The following CPNE2 variants were observed in gnomAD, a reference collection of about 807,000 sequenced individuals.
CPNE2 encodes copine 2, also known as copine-2.
A neutral mutation model predicts 69.7 loss-of-function variants in CPNE2; 42 were observed. The observed-to-expected ratio is 0.60, with a 90% CI of 0.47 to 0.78. The LOEUF is 0.78. Ranked by LOEUF, CPNE2 falls within the 30% of genes least tolerant of loss-of-function variation. CPNE2 has a pLI of 0.00. For synonymous variants in CPNE2, 294 were observed against 289.8 expected, an observed-to-expected ratio of 1.01 and a Z score of -0.15; for missense variants, 587 against 732.0, an observed-to-expected ratio of 0.80 and a Z score of 2.29.
intron 5 of CPNE2, among the ~76,000 whole-genome samples, 153 bp downstream of exon 5, chr16:57,117,720 A>C (rs1185312860): frequency 1.3e-5 from 2 of 151,486 alleles, no homozygotes; most frequent in East Asian, 3.9e-4. Flanking sequence ...CCAGATTAGG[A>C]CTCCTTCACC....
At chr16:57,114,739 T>C (rs1478513438) in intron 3 of CPNE2, among the ~76,000 whole-genome samples, 5 of 152,006 alleles carry the variant, frequency 3.3e-5, no homozygotes, top group African/African-American at 1.2e-4. Context: ...GGCCCACTTT[T>C]CCTCTCTATG....
chr16:57,108,289 A>G (rs1157269068), intron 1 of CPNE2, among the ~76,000 whole-genome samples: 4 of 152,188 alleles, frequency 2.6e-5, no homozygotes, highest in African/African-American at 4.8e-5. Context: ...GGAAAATTAT[A>G]TTACTATACT....
intron 5 of CPNE2, 21 bp from the exon 6 acceptor site, chr16:57,119,174 G>T (rs368319522): frequency 2.5e-6 from 4 of 1,607,778 alleles, no homozygotes; most frequent in Admixed American, 3.3e-5. Flanking sequence ...TCTCTCACCC[G>T]CATCCTCCCA....
intron 7 of CPNE2, among the ~76,000 whole-genome samples, chr16:57,120,221 A>C (rs1272274893): frequency 6.6e-6 from 1 of 151,628 alleles, no homozygotes; most frequent in Non-Finnish European, 1.5e-5. Flanking sequence ...TGCAGAGCCC[A>C]GATTGAGCCA....
chr16:57,145,816 C>T (rs2069953105), intron 14 of CPNE2: 6 of 495,716 alleles, frequency 1.2e-5, no homozygotes, highest in Non-Finnish European at 2.2e-5. Flanking sequence ...TCAGAGGCCC[C>T]AAGGGGGAGT....
intron 1 of CPNE2, among the ~76,000 whole-genome samples, chr16:57,103,680 T>C (rs1226196428): frequency 6.6e-6 from 1 of 152,058 alleles, no homozygotes; most frequent in Non-Finnish European, 1.5e-5. Context: ...TCCCCTCCTC[T>C]CCGCCCATTT....
At chr16:57,127,984 G>A in intron 12 of CPNE2, 81 bp downstream of exon 12, 2 of 1,446,630 alleles carry the variant, frequency 1.4e-6, no homozygotes. Flanking sequence ...CTCTGGAAAG[G>A]TCTTGGGCTG....
chr16:57,112,379 G>C (rs12597697), intron 2 of CPNE2, among the ~76,000 whole-genome samples: 54,210 of 151,682 alleles, frequency 0.36, 12,793 homozygotes, highest in African/African-American at 0.67. Flanking sequence ...TGAGTGCCCC[G>C]AGGGAGTGGT....
intron 14 of CPNE2, among the ~76,000 whole-genome samples, chr16:57,137,490 G>A (rs569419564): frequency 2.0e-5 from 3 of 152,328 alleles, no homozygotes; most frequent in East Asian, 1.9e-4. Context: ...AAATCCATTC[G>A]TGCTGAGCAG....
chr16:57,145,162 T>C (rs567561868), intron 14 of CPNE2, among the ~76,000 whole-genome samples: 1 of 152,152 alleles, frequency 6.6e-6, no homozygotes, highest in Non-Finnish European at 1.5e-5. Flanking sequence ...TTGCCATAAA[T>C]AGAGAGTAAC....
At chr16:57,103,917 GT>G (rs1470163112) in intron 1 of CPNE2, among the ~76,000 whole-genome samples, 1 of 152,118 alleles carries the variant, frequency 6.6e-6, no homozygotes, top group Non-Finnish European at 1.5e-5. Flanking sequence ...TTTGGTTGTT[GT>G]TTTTTGTTTT....
At chr16:57,125,745 G>A in intron 10 of CPNE2, 115 bp from the exon 11 acceptor site, 2 of 1,291,828 alleles carry the variant, frequency 1.5e-6, no homozygotes, top group Non-Finnish European at 2.1e-6. Flanking sequence ...ATTGTGGGGA[G>A]GGCTGGGAGA....
intron 1 of CPNE2, among the ~76,000 whole-genome samples, chr16:57,098,595 C>T (rs2069593502): frequency 6.6e-6 from 1 of 152,214 alleles, no homozygotes; most frequent in Non-Finnish European, 1.5e-5. Flanking sequence ...TCTTTTAGCT[C>T]TGAGACTCAA....
chr16:57,144,569 A>G (rs1293342557), intron 14 of CPNE2: 1 of 152,350 alleles, frequency 6.6e-6, no homozygotes, highest in African/African-American at 2.4e-5. Context: ...GAAGACCACA[A>G]GAGCTGATCT....
At chr16:57,100,005 C>T (rs2145233668) in intron 1 of CPNE2, among the ~76,000 whole-genome samples, 1 of 152,204 alleles carries the variant, frequency 6.6e-6, no homozygotes, top group East Asian at 1.9e-4. Context: ...GATCTCTTGA[C>T]CTTGTGATCC....
intron 11 of CPNE2, 90 bp from the exon 12 acceptor site, chr16:57,127,759 G>C: frequency 1.6e-6 from 2 of 1,281,958 alleles, no homozygotes; most frequent in Non-Finnish European, 1.1e-6. Flanking sequence ...CCTTGGAAGT[G>C]TATGAGGCAG....
intron 12 of CPNE2, among the ~76,000 whole-genome samples, chr16:57,131,282 G>A (rs1288751016): frequency 2.6e-5 from 4 of 152,356 alleles, no homozygotes; most frequent in East Asian, 1.9e-4. Flanking sequence ...CTGCTGTGCC[G>A]CATTGCTGTT....
At chr16:57,123,682 T>A in intron 10 of CPNE2, 1 of 598,972 alleles carries the variant, frequency 1.7e-6, no homozygotes, top group Non-Finnish European at 3.0e-6. Flanking sequence ...TAACTACAGG[T>A]CAGAGCACAG....
chr16:57,107,146 C>A, intron 1 of CPNE2, among the ~76,000 whole-genome samples: 1 of 152,220 alleles, frequency 6.6e-6, no homozygotes, highest in Non-Finnish European at 1.5e-5. Context: ...CTGTCTGCCC[C>A]CTTCCCCACC....
Sources: allele counts gnomAD v4.1 joint callset (sites outside exome capture counted in the v4.1 genomes callset), GRCh38; gene constraint gnomAD v4.1.1; transcripts MANE v1.5; gene names NCBI Gene and HGNC (gene_info 2026-07-23, HGNC 2026-07-21).